Variants in FBXL17 observed in about 807,000 individuals in gnomAD.
FBXL17 encodes the protein F-box and leucine rich repeat protein 17.
Under a neutral mutation model 66.2 loss-of-function variants are expected in FBXL17, and 22 were observed. The observed-to-expected ratio is 0.33, with a 90% CI of 0.24 to 0.47. FBXL17 has a LOEUF of 0.47. Ranked by LOEUF, FBXL17 falls within the 20% of genes least tolerant of loss-of-function variation. FBXL17 has a pLI of 1.00. For synonymous variants in FBXL17, 474 were observed against 400.5 expected (o/e 1.18, Z -2.19); for missense variants, 878 against 948.2 (o/e 0.93, Z 0.97).
chr5:108,325,741 C>T (rs1340799961), intron 4 of FBXL17, among the ~76,000 whole-genome samples: 2 of 152,006 alleles, frequency 1.3e-5, no homozygotes, highest in African/African-American at 2.4e-5. Context: ...TAAGGAGATG[C>T]TATTGCAGTT....
chr5:108,331,195 T>C (rs1018532652), intron 4 of FBXL17, among the ~76,000 whole-genome samples: 2 of 152,214 alleles, frequency 1.3e-5, no homozygotes, highest in Non-Finnish European at 2.9e-5. Flanking sequence ...TCACTCAATA[T>C]CAAGAAATCA....
intron 7 of FBXL17, among the ~76,000 whole-genome samples, chr5:107,890,129 A>T (rs2112515490): frequency 6.6e-6 from 1 of 152,326 alleles, no homozygotes; most frequent in African/African-American, 2.4e-5. Context: ...CAGCCTGCAT[A>T]AATACATATA....
intron 6 of FBXL17, among the ~76,000 whole-genome samples, chr5:108,029,897 C>A (rs1485933032): frequency 6.6e-6 from 1 of 151,998 alleles, no homozygotes; most frequent in African/African-American, 2.4e-5. Flanking sequence ...CGTAGCTTCT[C>A]AGGCTATCAG....
chr5:107,962,673 T>C (rs2112631198), intron 7 of FBXL17, among the ~76,000 whole-genome samples: 1 of 152,062 alleles, frequency 6.6e-6, no homozygotes, highest in Admixed American at 6.5e-5. Context: ...GGGCAAGCGT[T>C]AAAAGTTTTT....
At chr5:108,023,996 T>C (rs1754700083) in intron 6 of FBXL17, among the ~76,000 whole-genome samples, 1 of 152,170 alleles carries the variant, frequency 6.6e-6, no homozygotes, top group African/African-American at 2.4e-5. Context: ...ATTAGTTTGG[T>C]CTGTAGGAGC....
At chr5:107,985,291 AT>A (rs1752974764) in intron 7 of FBXL17, among the ~76,000 whole-genome samples, 1 of 152,222 alleles carries the variant, frequency 6.6e-6, no homozygotes, top group South Asian at 2.1e-4. Context: ...TTTTGAAAGA[AT>A]TATATGCACC....
intron 6 of FBXL17, among the ~76,000 whole-genome samples, chr5:108,168,616 G>C (rs910524667): frequency 6.6e-6 from 1 of 152,060 alleles, no homozygotes; most frequent in Non-Finnish European, 1.5e-5. Context: ...AATGCTTGCA[G>C]GACATCATTC....
chr5:107,945,012 A>C (rs1751233993), intron 7 of FBXL17, among the ~76,000 whole-genome samples: 1 of 152,068 alleles, frequency 6.6e-6, no homozygotes. Context: ...ACCAGTAAAA[A>C]ATATAACTGA....
intron 6 of FBXL17, among the ~76,000 whole-genome samples, chr5:108,107,801 G>A (rs1193180169): frequency 8.1e-6 from 1 of 124,202 alleles, no homozygotes; most frequent in Non-Finnish European, 1.6e-5. Context: ...AACACAGCAA[G>A]ACTCTGTCTC....
At chr5:108,086,261 C>T (rs1263101177) in intron 6 of FBXL17, among the ~76,000 whole-genome samples, 1 of 152,108 alleles carries the variant, frequency 6.6e-6, no homozygotes, top group Non-Finnish European at 1.5e-5. Context: ...AGAAGTCCTG[C>T]CCCATAATCG....
chr5:108,276,665 T>C (rs1305395431), intron 4 of FBXL17, among the ~76,000 whole-genome samples: 1 of 152,136 alleles, frequency 6.6e-6, no homozygotes, highest in Non-Finnish European at 1.5e-5. Context: ...ATAAACAGCA[T>C]ATGCCAATCC....
Position 108,380,817 on chromosome 5 carries a change from T to C in FBXL17, c.875A>G (p.Gln292Arg). 6 of 1,248,130 alleles carry C rather than the reference T, an allele frequency of 4.8e-6. No individual in the cohort carries two copies. Among genetic ancestry groups the C allele is most frequent in the Non-Finnish European group, 6.1e-6 (6 of 988,224 alleles). The allele number at this position is 1,248,130 out of a possible 1,614,324, so 77.3% of individuals were successfully genotyped here. A position where few individuals can be genotyped will look rare whatever the true frequency, so the allele number is the denominator to read the frequency against. The change falls in exon 1 of 9, where the codon CAG (glutamine) becomes CGG (arginine). Residue 292 changes from glutamine to arginine, a missense_variant. By Grantham distance (43) the Gln-to-Arg change is conservative (BLOSUM62 1). This residue lies in a region of FBXL17 where 605 missense variants were observed against 509.5 expected (regional missense o/e 1.19). Coordinates refer to ENST00000542267, the MANE Select transcript of FBXL17 (RefSeq NM_001163315.3). ...GGTAPLSAQQQHECGDADCRE... is the reference protein window; with the variant it reads ...GGTAPLSAQQRHECGDADCRE... ...ACAGTCCGCGTCGCCACATTCATGC[T>C]GCTGCTGGGCGGACAAGGGGGCGGT...
At chr5:108,257,633 A>G (rs1482128182) in intron 4 of FBXL17, among the ~76,000 whole-genome samples, 1 of 152,116 alleles carries the variant, frequency 6.6e-6, no homozygotes, top group Non-Finnish European at 1.5e-5. Context: ...CAGATGAGAA[A>G]CAGAGGCAGT....
In FBXL17 at chr5:107,931,261, T is replaced by A. The variant is rs10479416; in HGVS notation, c.1823-50082A>T. 2.8e-4 allele frequency among the ~76,000 whole-genome samples: 21 copies of A among 75,232 alleles called. No individual in the cohort carries two copies. In the East Asian group the frequency reaches 3.4e-3, roughly 12 times the overall value. 49.4% of individuals were successfully genotyped at this position (75,232 alleles called of 152,430 possible). Reference sequence around the variant, plus strand: ...TTGCTGTTCATGTTAAAGAGAATTTTTTTTTTTTTTTTTTTGAGACAGGGT... The same window carrying A: ...TTGCTGTTCATGTTAAAGAGAATTTATTTTTTTTTTTTTTTGAGACAGGGT... On this transcript the variant is annotated intron_variant, in intron 7 of 8. Coordinates refer to ENST00000542267, the MANE Select transcript of FBXL17 (RefSeq NM_001163315.3).
At chr5:108,042,523 T>C (rs894461801) in intron 6 of FBXL17, among the ~76,000 whole-genome samples, 5 of 152,118 alleles carry the variant, frequency 3.3e-5, no homozygotes, top group African/African-American at 1.2e-4. Context: ...GAGTATATAA[T>C]TTGGGGAGAC....
intron 6 of FBXL17, among the ~76,000 whole-genome samples, chr5:108,116,522 C>A (rs1161163353): frequency 6.6e-6 from 1 of 151,306 alleles, no homozygotes; most frequent in African/African-American, 2.4e-5. Flanking sequence ...GTGGCATGTG[C>A]CTGTAGTCCC....
chr5:108,045,575 T>A (rs1382849869), intron 6 of FBXL17, among the ~76,000 whole-genome samples: 3 of 152,226 alleles, frequency 2.0e-5, no homozygotes, highest in Non-Finnish European at 2.9e-5. Context: ...TCTTTTCTAA[T>A]ATCTGCACTT....
intron 4 of FBXL17, among the ~76,000 whole-genome samples, chr5:108,324,533 C>T (rs781676253): frequency 5.9e-5 from 9 of 151,788 alleles, no homozygotes; most frequent in Non-Finnish European, 1.2e-4. Flanking sequence ...TATGGCAGCT[C>T]CTAAAAATAT....
chr5:108,180,095 T>C (rs1299438527), intron 6 of FBXL17, among the ~76,000 whole-genome samples: 1 of 152,226 alleles, frequency 6.6e-6, no homozygotes, highest in African/African-American at 2.4e-5. Context: ...TTTAAAGTGC[T>C]GGCAACTAAT....
Sources: allele counts gnomAD v4.1 joint callset (sites outside exome capture counted in the v4.1 genomes callset), GRCh38; gene constraint gnomAD v4.1.1; regional missense constraint gnomAD v4.1.1; transcripts MANE v1.5; gene names NCBI Gene and HGNC (gene_info 2026-07-23, HGNC 2026-07-21).